Variants in NCOA3 observed in about 807,000 individuals in gnomAD.
NCOA3 encodes the protein nuclear receptor coactivator 3.
In NCOA3, 51 loss-of-function variants were observed where a neutral mutation model predicts 158.8. The observed-to-expected ratio is 0.32, with a 90% confidence interval of 0.26 to 0.41. The LOEUF is 0.41. Among genes scored for constraint, NCOA3 ranks in the 10% least tolerant of loss-of-function variants. NCOA3 has a pLI of 1.00. For synonymous variants in NCOA3, 537 were observed against 592.4 expected (o/e 0.91, Z 1.36); for missense variants, 1,510 against 1,746.6 (o/e 0.86, Z 2.41).
intron 1 of NCOA3, among the ~76,000 whole-genome samples, chr20:47,529,452 G>A (rs2084511108): frequency 6.6e-6 from 1 of 151,524 alleles, no homozygotes; most frequent in East Asian, 1.9e-4. Flanking sequence ...AGTCTTTGTC[G>A]CCCAGGCTGG....
chr20:47,521,207 G>A (rs539426384), intron 1 of NCOA3, among the ~76,000 whole-genome samples: 4 of 152,178 alleles, frequency 2.6e-5, no homozygotes, highest in Admixed American at 2.0e-4. Context: ...CCCTGAGGCC[G>A]CCACAAGGGG....
chr20:47,573,887 T>G (rs2085333329), intron 1 of NCOA3, among the ~76,000 whole-genome samples: 1 of 152,168 alleles, frequency 6.6e-6, no homozygotes. Context: ...TAAAATGATT[T>G]AAGAAGTCCT....
intron 18 of NCOA3, 64 bp downstream of exon 18, chr20:47,647,430 G>A (rs6125060): frequency 1.3e-6 from 2 of 1,484,042 alleles, no homozygotes; most frequent in South Asian, 2.5e-5. Flanking sequence ...ATGTTTCTCA[G>A]TGTTCTTACC....
chr20:47,583,712 T>C (rs2085488881), intron 2 of NCOA3, among the ~76,000 whole-genome samples: 1 of 152,244 alleles, frequency 6.6e-6, no homozygotes, highest in Admixed American at 6.5e-5. Context: ...TCCTAGCACT[T>C]TGAGAGGCTG....
rs2086572548 is a variant in NCOA3, at chr20:47,639,681, A to G, written c.2812A>G (p.Met938Val). The stretch of plus-strand genomic sequence containing the variant: ...AATGGAACCTATGAATTCAAACTCC[A>G]TGGGAAGACCAGGAGGAGATTATAA... ...GRMEPMNSNS[M>V]GRPGGDYNTS... Residue 938 changes from methionine (M) to valine (V), a missense_variant, in exon 15 of 23, where the codon ATG becomes GTG. Met to Val is a conservative substitution (Grantham distance 21, BLOSUM62 1). This residue lies in a region of NCOA3 where 1,017 missense variants were observed against 1,098.3 expected (regional missense o/e 0.93). Coordinates refer to ENST00000371998, the MANE Select transcript of NCOA3 (RefSeq NM_181659.3). 1 of 1,614,138 alleles carries G rather than the reference A, an allele frequency of 6.2e-7. No individual in the cohort carries two copies.
intron 1 of NCOA3, among the ~76,000 whole-genome samples, chr20:47,505,868 C>T (rs2084024855): frequency 7.3e-6 from 1 of 136,300 alleles, no homozygotes; most frequent in African/African-American, 2.8e-5. Flanking sequence ...GTGGCATGAT[C>T]TCGGCTCACT....
chr20:47,640,075 G>A, intron 16 of NCOA3, 24 bp downstream of exon 16: 1 of 1,613,870 alleles, frequency 6.2e-7, no homozygotes, highest in Admixed American at 1.7e-5. Flanking sequence ...TTGTGACTCT[G>A]TAGAAAATCT....
At chr20:47,535,484 G>A (rs182371001) in intron 1 of NCOA3, among the ~76,000 whole-genome samples, 21 of 152,056 alleles carry the variant, frequency 1.4e-4, no homozygotes, top group Admixed American at 2.6e-4. Flanking sequence ...GATCACACAC[G>A]GACTTGGAGA....
chr20:47,547,427 A>ATTT lies in NCOA3; in HGVS notation c.-98-35754_-98-35752dup, dbSNP rs1555802899. Among the ~76,000 whole-genome samples, 6 of 150,544 alleles carry ATTT rather than the reference A, an allele frequency of 4.0e-5. 1 individual carries two copies. The highest frequency in any genetic ancestry group is 1.5e-4 in the African/African-American group (6 of 41,058). On this transcript the variant is annotated intron_variant, in intron 1 of 22. Coordinates refer to ENST00000371998, the MANE Select transcript of NCOA3 (RefSeq NM_181659.3). Reference sequence around the variant, plus strand: ...TTATATTATTATTATTATTATTATTATTTTAGACGGAGTCTCGCTCTGCCA... The same window carrying ATTT: ...TTATATTATTATTATTATTATTATTATTTTTTTAGACGGAGTCTCGCTCTGCCA...
At chr20:47,634,892 C>T (rs2086482310) in intron 10 of NCOA3, among the ~76,000 whole-genome samples, 1 of 150,718 alleles carries the variant, frequency 6.6e-6, no homozygotes, top group Non-Finnish European at 1.5e-5. Context: ...TTCTCTCTCC[C>T]TTCTTCCTTT....
intron 1 of NCOA3, among the ~76,000 whole-genome samples, chr20:47,526,168 C>T (rs2084443418): frequency 6.6e-6 from 1 of 151,300 alleles, no homozygotes; most frequent in Admixed American, 6.6e-5. Flanking sequence ...CGATGGGCGG[C>T]CGGGCAGAGA....
intron 2 of NCOA3, among the ~76,000 whole-genome samples, chr20:47,618,884 A>C (rs979018091): frequency 6.6e-6 from 1 of 152,234 alleles, no homozygotes; most frequent in East Asian, 1.9e-4. Context: ...ATTTGTGCTT[A>C]TTAATTTTTT....
At chr20:47,520,230 C>T (rs2084306497) in intron 1 of NCOA3, among the ~76,000 whole-genome samples, 1 of 151,874 alleles carries the variant, frequency 6.6e-6, no homozygotes, top group African/African-American at 2.4e-5. Context: ...TTTAAATTTA[C>T]CCTGGCTTTT....
intron 2 of NCOA3, among the ~76,000 whole-genome samples, chr20:47,618,483 T>TA (rs2086180611): frequency 6.6e-6 from 1 of 151,582 alleles, no homozygotes; most frequent in South Asian, 2.1e-4. Flanking sequence ...GCCTCCTGAG[T>TA]AGCTGGAATT....
intron 2 of NCOA3, among the ~76,000 whole-genome samples, chr20:47,593,786 T>C (rs1454445820): frequency 6.6e-6 from 1 of 152,222 alleles, no homozygotes; most frequent in Non-Finnish European, 1.5e-5. Flanking sequence ...ATAAACATTT[T>C]CCTAAAATTC....
At chr20:47,643,461 C>T (rs772076555) in intron 17 of NCOA3, among the ~76,000 whole-genome samples, 3 of 152,240 alleles carry the variant, frequency 2.0e-5, no homozygotes, top group African/African-American at 2.4e-5. Flanking sequence ...TTTTATACTC[C>T]AACAGAAGTA....
intron 2 of NCOA3, among the ~76,000 whole-genome samples, chr20:47,611,058 T>C (rs995637994): frequency 2.0e-5 from 3 of 152,332 alleles, no homozygotes; most frequent in Middle Eastern, 3.4e-3. Flanking sequence ...TCCTTGCTGC[T>C]CTCAGCTGTT....
rs6018533 is a variant in NCOA3 at position 47,529,658 on chromosome 20, G to A, written c.-99+27639G>A. On this transcript the variant is annotated intron_variant, in intron 1 of 22. Coordinates refer to ENST00000371998, the MANE Select transcript of NCOA3 (RefSeq NM_181659.3). ...GAACTCTGACCTCAAGTGATCCACC[G>A]GCTCAACCTCTCAAAGTGTTGTGAT... Among the ~76,000 whole-genome samples, 1,064 of 152,246 alleles carry A rather than the reference G, an allele frequency of 7.0e-3. 17 individuals carry two copies. Among genetic ancestry groups the A allele is most frequent in the African/African-American group, 0.024 (1,008 of 41,548 alleles).
intron 2 of NCOA3, among the ~76,000 whole-genome samples, chr20:47,596,852 A>C (rs1175361627): frequency 6.6e-6 from 1 of 152,158 alleles, no homozygotes; most frequent in Non-Finnish European, 1.5e-5. Context: ...GGCCTCCTGA[A>C]GTGCTGGGAT....
Sources: allele counts gnomAD v4.1 joint callset (sites outside exome capture counted in the v4.1 genomes callset), GRCh38; gene constraint gnomAD v4.1.1; regional missense constraint gnomAD v4.1.1; transcripts MANE v1.5; gene names NCBI Gene and HGNC (gene_info 2026-07-23, HGNC 2026-07-21).